The following PRELID2 variants were observed in gnomAD, a reference collection of about 807,000 sequenced individuals.
PRELID2 encodes PRELI domain containing 2.
PRELID2 carries 25 observed loss-of-function variants against 28.4 expected under a neutral mutation model. That is an observed-to-expected ratio of 0.88 (90% CI 0.64 to 1.23). The LOEUF (loss-of-function observed/expected upper bound fraction) is 1.23. PRELID2 is among the 50% of genes most tolerant of loss of function. The pLI is 0.00. For synonymous variants in PRELID2, 76 were observed against 71.6 expected (o/e 1.06, Z -0.31); for missense variants, 201 against 214.4 (o/e 0.94, Z 0.39).
At chr5:145,466,992 T>C (rs1363277654), downstream of PRELID2, among the ~76,000 whole-genome samples, 1 of 152,142 alleles carries the variant, frequency 6.6e-6, no homozygotes, top group African/African-American at 2.4e-5. Context: ...CTCATTAGTC[T>C]CAACCAGGGT....
chr5:145,817,573 A>G (rs937337428), intron 4 of PRELID2, among the ~76,000 whole-genome samples: 2 of 151,462 alleles, frequency 1.3e-5, no homozygotes, highest in Non-Finnish European at 2.9e-5. Context: ...TACAGGCTCT[A>G]TGAGTATATA....
At chr5:145,766,118 CA>C (rs1422054596) in intron 5 of PRELID2, among the ~76,000 whole-genome samples, 2 of 152,102 alleles carry the variant, frequency 1.3e-5, no homozygotes, top group African/African-American at 4.8e-5. Context: ...GATAAACCTT[CA>C]AGTGGGAAGA....
At chr5:145,472,196 G>A (rs1752061203) in intron 2 of PRELID2, 1 of 152,110 alleles carries the variant, frequency 6.6e-6, no homozygotes, top group South Asian at 2.1e-4. Context: ...ACACATAACA[G>A]AAGATAAGCA....
At chr5:145,393,269 A>G in the PRELID2 span, among the ~76,000 whole-genome samples, 1 of 145,276 alleles carries the variant, frequency 6.9e-6, no homozygotes, top group East Asian at 2.0e-4. Context: ...CTTTGATTTC[A>G]GAACTAAAGC....
Position 145,791,310 on chromosome 5 carries a change from A to T in PRELID2, c.474+5132T>A, listed in dbSNP as rs10155509. On this transcript the variant is annotated intron_variant, in intron 5 of 6. Coordinates refer to ENST00000683046, the MANE Select transcript of PRELID2 (RefSeq NM_205846.3). ...TGGGGATTATTACAATTCACGTAAGATTTGGGTGGGAACATAGCCAAACCA... is the reference window on the plus strand; with the variant it reads ...TGGGGATTATTACAATTCACGTAAGTTTTGGGTGGGAACATAGCCAAACCA... Among the ~76,000 whole-genome samples the T allele has an allele frequency of 8.1e-3, 1,239 of 152,296 alleles. 28 individuals carry two copies. The highest frequency in any genetic ancestry group is 0.029 in the African/African-American group (1,190 of 41,568).
At chr5:145,489,659 C>T (rs558087128) in intron 1 of PRELID2, among the ~76,000 whole-genome samples, 1 of 152,270 alleles carries the variant, frequency 6.6e-6, no homozygotes, top group South Asian at 2.1e-4. Flanking sequence ...GAGCAGGGAT[C>T]ATAATACAAA....
intron 1 of PRELID2, among the ~76,000 whole-genome samples, chr5:145,676,233 A>AT: frequency 6.7e-6 from 1 of 149,048 alleles, no homozygotes; most frequent in East Asian, 2.0e-4. Flanking sequence ...AAAAAAAAAA[A>AT]AAAAAAAAAT....
chr5:145,229,292 G>T, the PRELID2 span: 1 of 750,832 alleles, frequency 1.3e-6, no homozygotes, highest in Non-Finnish European at 2.5e-6. Context: ...GGGCCGCAGT[G>T]ACCTGATGGA....
the PRELID2 span, among the ~76,000 whole-genome samples, chr5:145,425,825 T>C: frequency 6.6e-6 from 1 of 151,920 alleles, no homozygotes; most frequent in Non-Finnish European, 1.5e-5. Flanking sequence ...ATCCTGCACA[T>C]ATATGCCTGA....
chr5:145,542,748 A>AATTT (rs1554075706), intron 1 of PRELID2, among the ~76,000 whole-genome samples: 13 of 98,426 alleles, frequency 1.3e-4, no homozygotes, highest in African/African-American at 4.8e-4. Context: ...TATACATTGT[A>AATTT]ATTTCTTTCT....
chr5:145,617,745 TA>T (rs372878764), intron 1 of PRELID2, among the ~76,000 whole-genome samples: 9,820 of 149,102 alleles, frequency 0.066, 490 homozygotes, highest in Admixed American at 0.18. Context: ...TTTTTTTTTT[TA>T]AATTGAGACA....
At chr5:145,769,547 A>C (rs1485965001) in intron 5 of PRELID2, among the ~76,000 whole-genome samples, 1 of 152,240 alleles carries the variant, frequency 6.6e-6, no homozygotes, top group Non-Finnish European at 1.5e-5. Flanking sequence ...TGATTTATGT[A>C]GGAGGCTTGG....
At chr5:145,573,143 C>G (rs1187482939) in intron 1 of PRELID2, among the ~76,000 whole-genome samples, 1 of 152,134 alleles carries the variant, frequency 6.6e-6, no homozygotes, top group Non-Finnish European at 1.5e-5. Context: ...GGGCTGCCTT[C>G]TCCTGACCCT....
chr5:145,819,395 A>T, intron 3 of PRELID2: 2 of 1,603,854 alleles, frequency 1.2e-6, no homozygotes, highest in South Asian at 2.2e-5. Flanking sequence ...CCAACAAAGA[A>T]TCACCAGAGT....
chr5:145,669,480 T>C (rs1295303090), intron 1 of PRELID2, among the ~76,000 whole-genome samples: 2 of 152,126 alleles, frequency 1.3e-5, no homozygotes, highest in Non-Finnish European at 2.9e-5. Context: ...AGGCAATCAG[T>C]GCTTCTAGAC....
At chr5:145,273,480 G>T in the PRELID2 span, among the ~76,000 whole-genome samples, 2 of 151,986 alleles carry the variant, frequency 1.3e-5, no homozygotes, top group Non-Finnish European at 2.9e-5. Flanking sequence ...GTGATGATGG[G>T]GATGCAGGGC....
the PRELID2 span, among the ~76,000 whole-genome samples, chr5:145,353,315 C>G: frequency 1.3e-5 from 2 of 151,836 alleles, no homozygotes; most frequent in Non-Finnish European, 2.9e-5. Context: ...CACAAAAAAT[C>G]AGCTGGGTGT....
chr5:145,302,805 T>G, the PRELID2 span, among the ~76,000 whole-genome samples: 4 of 152,178 alleles, frequency 2.6e-5, no homozygotes, highest in East Asian at 7.7e-4. Context: ...AATTGCATTT[T>G]TTTCCTAGTA....
At chr5:145,533,069 A>G (rs1243283708) in intron 1 of PRELID2, among the ~76,000 whole-genome samples, 1 of 152,096 alleles carries the variant, frequency 6.6e-6, no homozygotes, top group African/African-American at 2.4e-5. Context: ...TACTGTTAGA[A>G]TGGCTCTTAG....
Sources: gnomAD v4.1 joint callset for allele counts (sites outside exome capture counted in the v4.1 genomes callset) on GRCh38, gnomAD v4.1.1 for gene constraint, MANE v1.5 for transcripts, NCBI Gene and HGNC (gene_info 2026-07-23, HGNC 2026-07-21) for gene names.